The following DST variants were observed in gnomAD, a reference collection of about 807,000 sequenced individuals.
DST encodes dystonin.
Under a neutral mutation model 875.2 loss-of-function variants are expected in DST, and 253 were observed. That is an observed-to-expected ratio of 0.29 (90% CI 0.26 to 0.32). The LOEUF (loss-of-function observed/expected upper bound fraction) is 0.32. Ranked by LOEUF, DST falls within the 10% of genes least tolerant of loss-of-function variation. The pLI, the probability that DST is intolerant of heterozygous loss-of-function variation, is 1.00. For synonymous variants in DST, 3,124 were observed against 3,197.1 expected (o/e 0.98, Z 0.77); for missense variants, 8,287 against 9,111.6 (o/e 0.91, Z 3.68).
At chr6:56,861,430 G>T (rs1771099363) in intron 3 of DST, among the ~76,000 whole-genome samples, 1 of 152,134 alleles carries the variant, frequency 6.6e-6, no homozygotes, top group African/African-American at 2.4e-5. Flanking sequence ...CATATTGCAT[G>T]GTAGCAAACC....
chr6:56,583,994 A>G (rs980931721), intron 49 of DST, among the ~76,000 whole-genome samples: 7 of 152,180 alleles, frequency 4.6e-5, no homozygotes, highest in African/African-American at 1.7e-4. Flanking sequence ...TGGTTACTGT[A>G]GCCTTGTAGT....
At chr6:56,874,697 T>C (rs1778879779) in intron 3 of DST, among the ~76,000 whole-genome samples, 2 of 152,206 alleles carry the variant, frequency 1.3e-5, no homozygotes, top group African/African-American at 4.8e-5. Flanking sequence ...CTGAAAAATA[T>C]CTATCCGTTC....
Position 56,650,955 on chromosome 6 carries a change from G to A in DST, c.1405C>T (p.Pro469Ser), listed in dbSNP as rs754725842. The A allele has an allele frequency of 6.2e-7, 1 of 1,612,880 alleles. No individual in the cohort carries two copies. The highest frequency in any genetic ancestry group is 8.5e-7 in the Non-Finnish European group (1 of 1,179,194). The stretch of plus-strand genomic sequence containing the variant: ...GCACCAATGCCTTCCCCACCTTCAG[G>A]GACTTTAGGAAATGCATCATAGAGA... Reference protein sequence around the residue: ...SSLYDAFPKVPEGGEGIGAND... With the variant: ...SSLYDAFPKVSEGGEGIGAND... The change falls in exon 12 of 104, where the codon CCT becomes TCT. Residue 469 changes from proline (P) to serine (S), a missense_variant. By Grantham distance (74) the Pro-to-Ser change is moderately conservative. This residue lies in a region of DST where 1,160 missense variants were observed against 1,424.3 expected (regional missense o/e 0.81). Transcript: ENST00000680361.
chr6:56,734,982 T>C, intron 5 of DST: 1 of 370,780 alleles, frequency 2.7e-6, no homozygotes. Flanking sequence ...ATTCCAATAG[T>C]AACAGGTTTT....
chr6:56,922,023 T>C (rs1298209625), intron 2 of DST, among the ~76,000 whole-genome samples: 1 of 152,174 alleles, frequency 6.6e-6, no homozygotes, highest in African/African-American at 2.4e-5. Context: ...AATACATACA[T>C]ATATACGTAT....
intron 4 of DST, among the ~76,000 whole-genome samples, chr6:56,822,678 C>T (rs2099774451): frequency 6.6e-6 from 1 of 151,934 alleles, no homozygotes; most frequent in Non-Finnish European, 1.5e-5. Context: ...GAATAGGTAA[C>T]ATTAAATTTC....
intron 39 of DST, among the ~76,000 whole-genome samples, chr6:56,609,647 G>A (rs114828682): frequency 4.7e-4 from 72 of 152,262 alleles, no homozygotes; most frequent in African/African-American, 1.7e-3. Flanking sequence ...GATGATGATA[G>A]TGAGAAAACA....
chr6:56,690,091 T>A (rs1454242420), intron 9 of DST, among the ~76,000 whole-genome samples: 1 of 152,188 alleles, frequency 6.6e-6, no homozygotes, highest in African/African-American at 2.4e-5. Context: ...CTGCTCTAAC[T>A]TTTTAGCAAT....
In DST at chr6:56,603,344, G is replaced by A; in HGVS notation, c.11018C>T (p.Ser3673Phe). 1 of 1,611,172 alleles carries A rather than the reference G, an allele frequency of 6.2e-7. No individual in the cohort carries two copies. Among genetic ancestry groups the A allele is most frequent in the Non-Finnish European group, 8.5e-7 (1 of 1,179,092 alleles). Residue 3673 changes from serine (S) to phenylalanine (F), a missense_variant, in exon 42 of 104, where the codon TCT becomes TTT. This residue lies in a region of DST where 3,138 missense variants were observed against 3,116.6 expected (regional missense o/e 1.01). Coordinates refer to ENST00000680361, the MANE Select transcript of DST (RefSeq NM_001374736.1). Reference protein sequence around the residue: ...DMKLAEEFLKSLPSDFPRGHV... With the variant: ...DMKLAEEFLKFLPSDFPRGHV... ...GCCTCTGGGAAAGTCACTGGGAAGAGACTTTAAAAACTCTTCTGCCAACTT... is the reference window on the plus strand; with the variant it reads ...GCCTCTGGGAAAGTCACTGGGAAGAAACTTTAAAAACTCTTCTGCCAACTT...
chr6:56,943,424 C>A (rs1305891647), intron 2 of DST, among the ~76,000 whole-genome samples: 1 of 146,798 alleles, frequency 6.8e-6, no homozygotes, highest in Non-Finnish European at 1.5e-5. Context: ...TTTTCTTTTT[C>A]TTTTTCTTTT....
intron 2 of DST, among the ~76,000 whole-genome samples, chr6:56,944,657 C>T (rs1392474235): frequency 6.6e-6 from 1 of 152,208 alleles, no homozygotes; most frequent in South Asian, 2.1e-4. Context: ...TACAAGGAAC[C>T]CTTTGACATT....
chr6:56,562,387 TTAAAG>T (rs1422013798), intron 55 of DST, among the ~76,000 whole-genome samples, 187 bp from the exon 56 acceptor site: 1 of 152,036 alleles, frequency 6.6e-6, no homozygotes, highest in African/African-American at 2.4e-5. Flanking sequence ...AAATTTATTC[TTAAAG>T]TATTGTCTTA....
chr6:56,578,723 A>G (rs1421542769), intron 50 of DST, 91 bp downstream of exon 50: 35 of 1,340,550 alleles, frequency 2.6e-5, no homozygotes, highest in Non-Finnish European at 3.4e-5. Context: ...AACACAATCT[A>G]TAACTAGTGA....
chr6:56,486,350 G>A (rs572470592), intron 87 of DST, among the ~76,000 whole-genome samples: 12 of 116,946 alleles, frequency 1.0e-4, no homozygotes, highest in African/African-American at 3.0e-4. Context: ...GTGACAGAGC[G>A]AGACTCCGTC....
intron 55 of DST, among the ~76,000 whole-genome samples, chr6:56,567,961 C>A (rs1309505217): frequency 6.6e-6 from 1 of 152,046 alleles, no homozygotes; most frequent in African/African-American, 2.4e-5. Context: ...TACAGATATG[C>A]CGGCTCACAT....
At chr6:56,562,492 T>A (rs1449000143) in intron 55 of DST, among the ~76,000 whole-genome samples, 1 of 151,820 alleles carries the variant, frequency 6.6e-6, no homozygotes, top group African/African-American at 2.4e-5. Flanking sequence ...TTGTGTTTTA[T>A]CCAATAAATT....
chr6:56,815,299 A>G (rs1053419081), intron 4 of DST, among the ~76,000 whole-genome samples: 1 of 152,192 alleles, frequency 6.6e-6, no homozygotes, highest in African/African-American at 2.4e-5. Flanking sequence ...TGCAGTATAT[A>G]TAAGACTTGT....
chr6:56,758,995 T>C (rs561415897), intron 4 of DST, among the ~76,000 whole-genome samples: 1 of 152,254 alleles, frequency 6.6e-6, no homozygotes, highest in Non-Finnish European at 1.5e-5. Context: ...CTGAGCATCA[T>C]ACCAGCCCTG....
rs2094410793 is a variant in DST at position 56,462,992 on chromosome 6, G to A, written c.23070+54C>T. On this transcript the variant is annotated intron_variant, in intron 102 of 103. Coordinates refer to ENST00000680361, the MANE Select transcript of DST (RefSeq NM_001374736.1). Reference sequence around the variant, plus strand: ...GAGTGGTGCAACGATGTTAGTGAGTGATAGCTTCAGTTAAAGGAGAATGTT... The same window carrying A: ...GAGTGGTGCAACGATGTTAGTGAGTAATAGCTTCAGTTAAAGGAGAATGTT... 4 of 1,026,030 alleles carry A rather than the reference G, an allele frequency of 3.9e-6. No homozygotes were observed. The Admixed American group carries it at 7.9e-5, about 20-fold the overall frequency. 63.6% of individuals were successfully genotyped at this position (1,026,030 alleles called of 1,614,324 possible).
Sources: gnomAD v4.1 joint callset for allele counts (sites outside exome capture counted in the v4.1 genomes callset) on GRCh38, gnomAD v4.1.1 for gene constraint, gnomAD v4.1.1 regional missense constraint, MANE v1.5 for transcripts, NCBI Gene and HGNC (gene_info 2026-07-23, HGNC 2026-07-21) for gene names.